TMEM131: variants seen among roughly 807,000 people sequenced by gnomAD.
TMEM131 encodes 2610524E03Rik.
Under a neutral mutation model 211.6 loss-of-function variants are expected in TMEM131, and 66 were observed. The ratio of observed to expected loss-of-function variants is 0.31; its 90% CI spans 0.26 to 0.38. The LOEUF (loss-of-function observed/expected upper bound fraction) is 0.38. Ranked by LOEUF, TMEM131 falls within the 10% of genes least tolerant of loss-of-function variation. The pLI, the probability that TMEM131 is intolerant of heterozygous loss-of-function variation, is 1.00. For synonymous variants in TMEM131, 844 were observed against 841.3 expected, an observed-to-expected ratio of 1.00 and a Z score of -0.06; for missense variants, 2,036 against 2,299.3, an observed-to-expected ratio of 0.89 and a Z score of 2.34.
chr2:97,955,205 C>T (rs1678511885), intron 1 of TMEM131, among the ~76,000 whole-genome samples: 1 of 151,934 alleles, frequency 6.6e-6, no homozygotes, highest in Non-Finnish European at 1.5e-5. Context: ...ATCAAATATA[C>T]TAATAAATAA....
At chr2:97,934,004 G>A (rs1323263765) in intron 1 of TMEM131, among the ~76,000 whole-genome samples, 5 of 151,832 alleles carry the variant, frequency 3.3e-5, no homozygotes, top group Admixed American at 3.3e-4. Flanking sequence ...TATTCAACAT[G>A]TGCTAGAAGT....
intron 33 of TMEM131, among the ~76,000 whole-genome samples, chr2:97,770,264 ATGAT>A (rs1679401648): frequency 6.6e-6 from 1 of 152,228 alleles, no homozygotes; most frequent in Admixed American, 6.5e-5. Context: ...ATTTGATTAA[ATGAT>A]TGATGAACTA....
At position 97,811,218 on chromosome 2, in the gene TMEM131, T is replaced by C. The variant is rs769046789; in HGVS notation, c.1878A>G (p.Ser626=). The change falls in exon 18 of 41, where the codon TCA becomes TCG. Residue 626 remains serine (S), a synonymous_variant. Coordinates refer to ENST00000186436, the MANE Select transcript of TMEM131 (RefSeq NM_015348.2). ...LSDQSSVTLA[S]GYFAVFRVKL... is the part of the protein sequence containing the mutation. ...TGACTCTGAAGACTGCAAAATAGCC[T>C]GAAGCTAATGTTACCTGTAGATAGT... 1.2e-6 allele frequency: 2 copies of C among 1,613,240 alleles called. No homozygotes were observed. Among genetic ancestry groups the C allele is most frequent in the South Asian group, 2.2e-5 (2 of 91,046 alleles).
chr2:97,968,413 T>C (rs577791374), intron 1 of TMEM131, among the ~76,000 whole-genome samples: 2 of 152,292 alleles, frequency 1.3e-5, no homozygotes, highest in African/African-American at 4.8e-5. Flanking sequence ...GGAATAGTCA[T>C]GAACCTGCCT....
At chr2:97,935,964 C>T (rs539642182) in intron 1 of TMEM131, among the ~76,000 whole-genome samples, 1 of 152,320 alleles carries the variant, frequency 6.6e-6, no homozygotes, top group Non-Finnish European at 1.5e-5. Context: ...TGAAAATCAG[C>T]AGCCTGACAG....
rs1005654337 is a variant in TMEM131 at position 97,988,469 on chromosome 2, T to C, written c.187+7007A>G. On this transcript the variant is annotated intron_variant, in intron 1 of 40. Coordinates refer to ENST00000186436, the MANE Select transcript of TMEM131 (RefSeq NM_015348.2). ...CAAACAAAAACTTTTGTTCAAAGAA[T>C]ATGATCAACAGAGTGAAAAGGCAAC... is the stretch of plus-strand genomic sequence containing the variant. Among the ~76,000 whole-genome samples, 6 of 152,270 alleles carry C rather than the reference T, an allele frequency of 3.9e-5. No individual in the cohort carries two copies. In the South Asian group the frequency reaches 1.0e-3, roughly 26 times the overall value.
intron 1 of TMEM131, among the ~76,000 whole-genome samples, chr2:97,987,277 C>T (rs1451088939): frequency 6.6e-6 from 1 of 152,144 alleles, no homozygotes; most frequent in Non-Finnish European, 1.5e-5. Flanking sequence ...CTTTGGGAGG[C>T]CAAGTCAGGT....
intron 4 of TMEM131, among the ~76,000 whole-genome samples, chr2:97,878,745 T>C (rs753790359): frequency 1.3e-5 from 2 of 152,090 alleles, no homozygotes; most frequent in Admixed American, 1.3e-4. Flanking sequence ...GTACCTAACG[T>C]AGGTGATGGG....
chr2:97,761,222 G>A (rs1308418159), intron 36 of TMEM131: 4 of 234,532 alleles, frequency 1.7e-5, no homozygotes, highest in Non-Finnish European at 3.4e-5. Flanking sequence ...GAGCCACTCG[G>A]CAGGAAATGC....
chr2:97,904,006 A>C (rs1436504524), intron 3 of TMEM131, among the ~76,000 whole-genome samples: 2 of 152,192 alleles, frequency 1.3e-5, no homozygotes, highest in Non-Finnish European at 2.9e-5. Context: ...TACTCTTCAA[A>C]AATGTCAAAG....
intron 4 of TMEM131, 87 bp downstream of exon 4, chr2:97,887,965 G>A (rs1164915952): frequency 1.9e-6 from 2 of 1,055,448 alleles, no homozygotes; most frequent in African/African-American, 3.2e-5. Flanking sequence ...CCACATAGAT[G>A]TAACACAGGC....
At chr2:97,925,620 G>A (rs1342915775) in intron 2 of TMEM131, among the ~76,000 whole-genome samples, 2 of 152,190 alleles carry the variant, frequency 1.3e-5, no homozygotes, top group Non-Finnish European at 2.9e-5. Flanking sequence ...TTTGAAATTA[G>A]ACATGGTGAG....
chr2:97,861,804 C>A (rs1674079856), intron 4 of TMEM131, among the ~76,000 whole-genome samples: 1 of 152,188 alleles, frequency 6.6e-6, no homozygotes, highest in Non-Finnish European at 1.5e-5. Flanking sequence ...GGGGAACTCA[C>A]TGTCCTGAAG....
At chr2:97,787,136 CTGTTTTAAATGTAG>C (rs1680290890) in intron 31 of TMEM131, among the ~76,000 whole-genome samples, 1 of 152,208 alleles carries the variant, frequency 6.6e-6, no homozygotes, top group South Asian at 2.1e-4. Context: ...TGCCTCTAAT[CTGTTTTAAATGTAG>C]GCAAAGTATG....
At chr2:97,836,877 A>G (rs1349580219) in intron 8 of TMEM131, among the ~76,000 whole-genome samples, 200 bp downstream of exon 8, 4 of 152,156 alleles carry the variant, frequency 2.6e-5, no homozygotes, top group Admixed American at 6.5e-5. Flanking sequence ...AATTTTACTC[A>G]CTGCCCTTTC....
chr2:97,764,893 T>G (rs1318645777), intron 35 of TMEM131: 3 of 152,236 alleles, frequency 2.0e-5, no homozygotes, highest in Non-Finnish European at 4.4e-5. Context: ...TGGTTCTGCA[T>G]GCTTGTGTCA....
chr2:97,765,705 T>C (rs990989035), intron 35 of TMEM131, among the ~76,000 whole-genome samples: 9 of 152,198 alleles, frequency 5.9e-5, no homozygotes, highest in Admixed American at 5.2e-4. Context: ...GTTGAGAGGA[T>C]GGAATTCTTA....
intron 31 of TMEM131, among the ~76,000 whole-genome samples, chr2:97,790,675 T>A (rs1680461669): frequency 6.6e-6 from 1 of 152,196 alleles, no homozygotes; most frequent in African/African-American, 2.4e-5. Flanking sequence ...CAGATTTATT[T>A]TATTCACGCC....
chr2:97,873,678 CA>C (rs1244332910), intron 4 of TMEM131, among the ~76,000 whole-genome samples: 3 of 152,228 alleles, frequency 2.0e-5, no homozygotes, highest in Non-Finnish European at 2.9e-5. Context: ...GGAAAACTAA[CA>C]GAAAGGAATA....
Sources: allele counts gnomAD v4.1 joint callset (sites outside exome capture counted in the v4.1 genomes callset), GRCh38; gene constraint gnomAD v4.1.1; transcripts MANE v1.5; gene names NCBI Gene and HGNC (gene_info 2026-07-23, HGNC 2026-07-21).